Variants in TMIGD3 observed in about 807,000 individuals in gnomAD.
The protein encoded by TMIGD3 is AD026 protein (AD026).
A neutral mutation model predicts 28.1 loss-of-function variants in TMIGD3; 21 were observed. That is an observed-to-expected ratio of 0.75 (90% CI 0.53 to 1.08). The LOEUF (loss-of-function observed/expected upper bound fraction) is 1.08. Ranked by LOEUF, TMIGD3 falls within the 50% of genes least tolerant of loss-of-function variation. The pLI, the probability that TMIGD3 is intolerant of heterozygous loss-of-function variation, is 0.00. For missense variants in TMIGD3, 416 were observed against 435.6 expected (o/e 0.96, Z 0.40); for synonymous variants, 151 against 162.1 (o/e 0.93, Z 0.52).
chr1:111,553,560 T>C (rs906243547), intron 1 of TMIGD3, among the ~76,000 whole-genome samples: 2 of 152,204 alleles, frequency 1.3e-5, no homozygotes, highest in Non-Finnish European at 2.9e-5. Context: ...GTTACAAAGG[T>C]ATCTTCCTTA....
rs200231575 is a variant in TMIGD3 at position 111,503,290 on chromosome 1, A to G, written c.65T>C (p.Ile22Thr). Residue 22 changes from isoleucine (I) to threonine (T), a missense_variant, in exon 1 of 6, where the codon ATT becomes ACT. By Grantham distance (89) the Ile-to-Thr change is moderately conservative. Transcript: ENST00000369716. ...NVTYITMEIF[I>T]GLCAIVGNVL... ...GTTGCCCACTATGGCGCAGAGTCCA[A>G]TGAAAATTTCCATGGTGATGTAGGT... 4.5e-5 allele frequency: 72 copies of G among 1,614,092 alleles called. No individual in the cohort carries two copies. The Middle Eastern group carries it at 4.9e-4, about 11-fold the overall frequency.
At chr1:111,496,107 A>G (rs1780556) in intron 1 of TMIGD3, among the ~76,000 whole-genome samples, 148,638 of 152,314 alleles carry the variant, frequency 0.98, 72,648 homozygotes, top group East Asian at 1. Context: ...AACCTATGAA[A>G]TTACCTATAT....
intron 1 of TMIGD3, among the ~76,000 whole-genome samples, chr1:111,559,605 T>C (rs1296258147): frequency 1.3e-5 from 2 of 152,222 alleles, no homozygotes; most frequent in African/African-American, 4.8e-5. Flanking sequence ...AATCAAATGG[T>C]ATCCAATGAC....
intron 1 of TMIGD3, chr1:111,501,312 A>G (rs1280921415): frequency 6.6e-6 from 1 of 152,274 alleles, no homozygotes; most frequent in African/African-American, 2.4e-5. Context: ...AAGGACAGTA[A>G]GAGTAAGAGT....
At chr1:111,561,167 A>C (rs980415188) in intron 1 of TMIGD3, among the ~76,000 whole-genome samples, 1 of 152,230 alleles carries the variant, frequency 6.6e-6, no homozygotes, top group African/African-American at 2.4e-5. Context: ...TCTGTCACCC[A>C]GGCTGGAGTG....
At chr1:111,511,027 T>C (rs1048629992) in intron 1 of TMIGD3, among the ~76,000 whole-genome samples, 2 of 152,182 alleles carry the variant, frequency 1.3e-5, no homozygotes, top group African/African-American at 2.4e-5. Flanking sequence ...GGGTAAACCA[T>C]AATGCTATCA....
rs202224990 is a variant in TMIGD3, at chr1:111,490,647, C to G, written c.457+9G>C. The stretch of plus-strand genomic sequence containing the variant: ...TAAAGGGCTGGAGCTGTTCCGTCCC[C>G]CATCCTACCTGAAATGAGAGCCAAG... On this transcript the variant is annotated intron_variant, in intron 2 of 5. Transcript: ENST00000369716. 295 of 1,603,646 alleles carry G rather than the reference C, an allele frequency of 1.8e-4. No homozygotes were observed. The East Asian group carries it at 4.2e-3, about 23-fold the overall frequency.
intron 5 of TMIGD3, among the ~76,000 whole-genome samples, chr1:111,484,609 C>A (rs1654273248): frequency 6.6e-6 from 1 of 152,158 alleles, no homozygotes. Flanking sequence ...TTTTTTAGGG[C>A]TCCTATTCTG....
At chr1:111,503,867 CAG>C, upstream of TMIGD3, 1 of 994,158 alleles carries the variant, frequency 1.0e-6, no homozygotes, top group Non-Finnish European at 1.2e-6. Context: ...GATTGGGTAT[CAG>C]AGTTCATTCA....
rs541341652 is a variant in TMIGD3, at chr1:111,537,889, T to C, written c.107+25957A>G. On this transcript the variant is annotated intron_variant, in intron 1 of 5. Coordinates refer to the TMIGD3 transcript ENST00000369717. ...GGATGAAAACAGATGTGATCTTTTT[T>C]GTTGGACCACTTTACTATTCATTTA... 4.3e-3 allele frequency among the ~76,000 whole-genome samples: 658 copies of C among 152,236 alleles called. 5 individuals carry two copies. Among genetic ancestry groups the C allele is most frequent in the African/African-American group, 0.015 (635 of 41,536 alleles).
chr1:111,498,805 G>T (rs563635777), intron 1 of TMIGD3, among the ~76,000 whole-genome samples: 2 of 152,172 alleles, frequency 1.3e-5, no homozygotes, highest in Admixed American at 6.5e-5. Context: ...TGCTCAACAG[G>T]CCAGGTGCAA....
intron 1 of TMIGD3, among the ~76,000 whole-genome samples, chr1:111,527,550 T>C (rs750755008): frequency 6.6e-6 from 1 of 152,246 alleles, no homozygotes; most frequent in Non-Finnish European, 1.5e-5. Flanking sequence ...CTTGATTGTA[T>C]GATAACAATA....
At chr1:111,516,268 A>G (rs963842428) in intron 1 of TMIGD3, among the ~76,000 whole-genome samples, 2 of 152,232 alleles carry the variant, frequency 1.3e-5, no homozygotes, top group South Asian at 4.1e-4. Flanking sequence ...CACGAAGATC[A>G]ACTTAAAAAT....
Position 111,503,313 on chromosome 1 carries a change from G to A in TMIGD3, c.42C>T (p.Thr14=). The change falls in exon 1 of 6, where the codon ACC becomes ACT. Residue 14 remains threonine (T), a synonymous_variant. Transcript: ENST00000369716. ...NSTALSLANV[T]YITMEIFIGL... ...CAATGAAAATTTCCATGGTGATGTAGGTAACATTGGCCAATGACAGAGCAG... is the reference window on the plus strand; with the variant it reads ...CAATGAAAATTTCCATGGTGATGTAAGTAACATTGGCCAATGACAGAGCAG... 1 of 1,614,028 alleles carries A rather than the reference G, an allele frequency of 6.2e-7. No individual in the cohort carries two copies. Among genetic ancestry groups the A allele is most frequent in the Non-Finnish European group, 8.5e-7 (1 of 1,179,982 alleles).
chr1:111,515,928 T>C (rs1204361539), intron 1 of TMIGD3, among the ~76,000 whole-genome samples: 3 of 152,196 alleles, frequency 2.0e-5, no homozygotes, highest in Non-Finnish European at 2.9e-5. Flanking sequence ...CTGGAGGAAC[T>C]GACCGCGGCG....
At chr1:111,492,392 T>C (rs964620029) in intron 1 of TMIGD3, among the ~76,000 whole-genome samples, 2 of 152,250 alleles carry the variant, frequency 1.3e-5, no homozygotes, top group African/African-American at 4.8e-5. Context: ...AGGCAGTCCT[T>C]ATCTCTGACA....
At chr1:111,548,296 C>T (rs915070232) in intron 1 of TMIGD3, among the ~76,000 whole-genome samples, 20 of 152,248 alleles carry the variant, frequency 1.3e-4, no homozygotes, top group Non-Finnish European at 2.9e-5. Flanking sequence ...GCTGGGATTA[C>T]AAGCGTGAGC....
Position 111,488,917 on chromosome 1 carries a change from G to C in TMIGD3, c.565C>G (p.Arg189Gly). 1 of 1,614,156 alleles carries C rather than the reference G, an allele frequency of 6.2e-7. No homozygotes were observed. The highest frequency in any genetic ancestry group is 8.5e-7 in the Non-Finnish European group (1 of 1,180,016). The change falls in exon 3 of 6, where the codon CGA becomes GGA. Residue 189 changes from arginine (R) to glycine (G), a missense_variant. Arg to Gly is a moderately radical substitution (Grantham distance 125, BLOSUM62 -2). Coordinates refer to ENST00000369716, the MANE Select transcript of TMIGD3 (RefSeq NM_020683.7). ...TTGCAGTAGTCACGGAAATAGCCTC[G>C]GCACCAGTATTTGGGGTGATTCTTG... Reference protein sequence around the residue: ...HYKNHPKYWCRGYFRDYCNII... With the variant: ...HYKNHPKYWCGGYFRDYCNII...
At chr1:111,530,033 TG>T (rs1441750117) in intron 1 of TMIGD3, among the ~76,000 whole-genome samples, 1 of 149,320 alleles carries the variant, frequency 6.7e-6, no homozygotes, top group African/African-American at 2.5e-5. Context: ...ACGGGGCGGC[TG>T]GCCGGGCAGA....
Sources: allele counts gnomAD v4.1 joint callset (sites outside exome capture counted in the v4.1 genomes callset), GRCh38; gene constraint gnomAD v4.1.1; transcripts MANE v1.5; gene names NCBI Gene and HGNC (gene_info 2026-07-23, HGNC 2026-07-21).